Variants in IQCM observed in about 807,000 individuals in gnomAD.
The protein encoded by IQCM is IQ motif containing M, also known as IQ domain-containing protein M.
A neutral mutation model predicts 57.6 loss-of-function variants in IQCM; 45 were observed. The observed-to-expected ratio is 0.78, with a 90% CI of 0.62 to 1.00. The LOEUF is 1.00. Ranked by LOEUF, IQCM falls within the 50% of genes least tolerant of loss-of-function variation. The probability of loss-of-function intolerance (pLI) is 0.00; values close to 1 mark genes in which losing one functional copy is unlikely to be tolerated. For synonymous variants in IQCM, 148 were observed against 158.9 expected (o/e 0.93, Z 0.51); for missense variants, 468 against 511.6 (o/e 0.91, Z 0.82).
chr4:149,599,879 T>C (rs1754114919), intron 8 of IQCM, among the ~76,000 whole-genome samples: 1 of 152,218 alleles, frequency 6.6e-6, no homozygotes, highest in Admixed American at 6.5e-5. Flanking sequence ...TAAAACTTTA[T>C]ATCTAAAAGG....
intron 7 of IQCM, among the ~76,000 whole-genome samples, chr4:149,679,257 A>G (rs1447681995): frequency 6.6e-6 from 1 of 151,660 alleles, no homozygotes; most frequent in East Asian, 1.9e-4. Context: ...GAGGTTGTTA[A>G]GTGAAGTAAG....
intron 7 of IQCM, among the ~76,000 whole-genome samples, chr4:149,656,705 G>A (rs1351487333): frequency 1.3e-5 from 2 of 152,122 alleles, no homozygotes; most frequent in African/African-American, 2.4e-5. Context: ...TGAGCAATCC[G>A]TGGTGGGGCA....
chr4:149,703,427 A>G (rs1763915042), intron 5 of IQCM, among the ~76,000 whole-genome samples: 1 of 151,924 alleles, frequency 6.6e-6, no homozygotes, highest in South Asian at 2.1e-4. Flanking sequence ...AAGAATGGAT[A>G]AAAAATACAC....
At position 149,700,031 on chromosome 4, in the gene IQCM, T is replaced by G. The variant is rs372900885; in HGVS notation, c.386-13563A>C. On this transcript the variant is annotated intron_variant, in intron 5 of 13. Coordinates refer to ENST00000636793, the MANE Select transcript of IQCM (RefSeq NM_001363507.2). ...TTTTTTGTGGTACTAACTGCATTATTCATGTAGATAACACCTGCCCTCATT... is the reference window on the plus strand; with the variant it reads ...TTTTTTGTGGTACTAACTGCATTATGCATGTAGATAACACCTGCCCTCATT... 7.3e-4 allele frequency among the ~76,000 whole-genome samples: 111 copies of G among 152,106 alleles called. No homozygotes were observed. In the South Asian group the frequency reaches 0.022, roughly 31 times the overall value.
At chr4:149,731,932 A>C (rs1766498930) in intron 5 of IQCM, among the ~76,000 whole-genome samples, 1 of 152,170 alleles carries the variant, frequency 6.6e-6, no homozygotes, top group African/African-American at 2.4e-5. Context: ...TAACATTCTG[A>C]AGAGCATGCT....
intron 2 of IQCM, among the ~76,000 whole-genome samples, chr4:149,800,274 A>C (rs370496458): frequency 6.6e-6 from 1 of 152,102 alleles, no homozygotes; most frequent in East Asian, 1.9e-4. Flanking sequence ...AACACCTAAA[A>C]AAGTATTTAA....
intron 12 of IQCM, among the ~76,000 whole-genome samples, chr4:149,476,372 C>T (rs571803312): frequency 1.3e-3 from 192 of 152,182 alleles, no homozygotes; most frequent in Middle Eastern, 3.4e-3. Context: ...AGTATAGATT[C>T]TCCATGATGA....
At chr4:149,388,515 ATATATATTATATATAT>A (rs1731588253) in intron 13 of IQCM, among the ~76,000 whole-genome samples, 1 of 138,560 alleles carries the variant, frequency 7.2e-6, no homozygotes, top group Admixed American at 7.4e-5. Flanking sequence ...TATATTATAC[ATATATATTATATATAT>A]TATATATTAT....
chr4:149,502,151 T>TAC lies in IQCM; in HGVS notation c.1228+46302_1228+46303dup, dbSNP rs1553983015. On this transcript the variant is annotated intron_variant, in intron 12 of 13. Coordinates refer to ENST00000636793, the MANE Select transcript of IQCM (RefSeq NM_001363507.2). ...ATAATTTTTTATAATTATATATATA[T>TAC]ACACACACACACACACACACATATA... 3.7e-3 allele frequency among the ~76,000 whole-genome samples: 558 copies of TAC among 149,530 alleles called. 3 individuals carry two copies. Among genetic ancestry groups the TAC allele is most frequent in the South Asian group, 0.021 (101 of 4,780 alleles).
At chr4:149,597,897 AACT>A (rs1224108612) in intron 8 of IQCM, among the ~76,000 whole-genome samples, 1 of 152,182 alleles carries the variant, frequency 6.6e-6, no homozygotes, top group African/African-American at 2.4e-5. Flanking sequence ...CAACAAAATA[AACT>A]ACACTTACAC....
intron 7 of IQCM, among the ~76,000 whole-genome samples, chr4:149,623,958 A>T (rs1418107092): frequency 6.6e-6 from 1 of 152,212 alleles, no homozygotes; most frequent in Non-Finnish European, 1.5e-5. Context: ...GAACATAAAA[A>T]AATTTGTTAA....
rs180937737 is a variant in IQCM, at chr4:149,668,278, T to C, written c.565+13840A>G. On this transcript the variant is annotated intron_variant, in intron 7 of 13. Coordinates refer to ENST00000636793, the MANE Select transcript of IQCM (RefSeq NM_001363507.2). ...AGAGAGTGGGGGCCAATATTCAACG[T>C]TCTTAAATAAAATAATTTTCAACCC... 1.6e-4 allele frequency among the ~76,000 whole-genome samples: 24 copies of C among 152,198 alleles called. No individual in the cohort carries two copies. The East Asian group carries it at 3.7e-3, about 23-fold the overall frequency.
chr4:149,487,153 T>C (rs1202620098), intron 12 of IQCM, among the ~76,000 whole-genome samples: 1 of 152,096 alleles, frequency 6.6e-6, no homozygotes, highest in South Asian at 2.1e-4. Context: ...GTGATAAATC[T>C]TGAAAAGACT....
At chr4:149,775,068 A>G (rs1320253690) in intron 2 of IQCM, among the ~76,000 whole-genome samples, 3 of 149,838 alleles carry the variant, frequency 2.0e-5, no homozygotes, top group African/African-American at 7.4e-5. Flanking sequence ...AAAAAATCCA[A>G]GTTACTTTAG....
chr4:149,620,414 T>TA (rs1756228593), intron 8 of IQCM, among the ~76,000 whole-genome samples: 1 of 151,864 alleles, frequency 6.6e-6, no homozygotes, highest in African/African-American at 2.4e-5. Flanking sequence ...GAGAAAAAGA[T>TA]AAAGAAGATA....
At chr4:149,679,523 T>C (rs1366172314) in intron 7 of IQCM, among the ~76,000 whole-genome samples, 1 of 151,482 alleles carries the variant, frequency 6.6e-6, no homozygotes, top group Non-Finnish European at 1.5e-5. Context: ...AGAATGGAAA[T>C]GGTTCTGTCA....
intron 2 of IQCM, among the ~76,000 whole-genome samples, chr4:149,794,005 T>C: frequency 6.6e-6 from 1 of 152,170 alleles, no homozygotes; most frequent in Non-Finnish European, 1.5e-5. Flanking sequence ...CTGTAATGAG[T>C]GTTCTACAGT....
intron 2 of IQCM, among the ~76,000 whole-genome samples, chr4:149,743,446 C>T (rs930055180): frequency 5.3e-5 from 8 of 151,834 alleles, no homozygotes; most frequent in Admixed American, 1.3e-4. Context: ...ACAGAGTGAT[C>T]GATATATACT....
At chr4:149,555,292 G>A (rs894400573) in intron 10 of IQCM, among the ~76,000 whole-genome samples, 6 of 152,058 alleles carry the variant, frequency 3.9e-5, no homozygotes, top group African/African-American at 1.4e-4. Context: ...AATCTTAGTG[G>A]GAGGCAGAAC....
Sources: allele counts gnomAD v4.1 joint callset (sites outside exome capture counted in the v4.1 genomes callset), GRCh38; gene constraint gnomAD v4.1.1; transcripts MANE v1.5; gene names NCBI Gene and HGNC (gene_info 2026-07-23, HGNC 2026-07-21).